The following PEAK1 variants were observed in gnomAD, a reference collection of about 807,000 sequenced individuals.
PEAK1 encodes the protein inactive tyrosine-protein kinase PEAK1.
A neutral mutation model predicts 124.7 loss-of-function variants in PEAK1; 54 were observed. That is an observed-to-expected ratio of 0.43 (90% confidence interval 0.35 to 0.54). The LOEUF is 0.54. PEAK1 is among the 20% of genes least tolerant of loss of function. The pLI is 0.01. For missense variants in PEAK1, 2,046 were observed against 2,134.5 expected (o/e 0.96, Z 0.82); for synonymous variants, 719 against 760.0 (o/e 0.95, Z 0.89).
At chr15:77,239,894 C>T (rs1385540293) in intron 6 of PEAK1, 1 of 957,746 alleles carries the variant, frequency 1.0e-6, no homozygotes, top group African/African-American at 1.8e-5. Flanking sequence ...TAAAATCTGT[C>T]AATAATAATG....
At chr15:77,205,025 A>G in intron 6 of PEAK1, 1 of 192,982 alleles carries the variant, frequency 5.2e-6, no homozygotes. Context: ...ATTTACGTGC[A>G]GAAAATGGAA....
intron 5 of PEAK1, among the ~76,000 whole-genome samples, chr15:77,263,128 C>G (rs2061529397): frequency 6.6e-6 from 1 of 152,128 alleles, no homozygotes; most frequent in Admixed American, 6.5e-5. Flanking sequence ...ATTTATAGCA[C>G]TAAATGCCCA....
At chr15:77,103,129 C>T (rs906841227) in exon 7 of PEAK1, 10 of 152,028 alleles carry the variant, frequency 6.6e-5, no homozygotes, top group Non-Finnish European at 1.5e-4. Context: ...TTAAGAAATA[C>T]TTTGTCCATG....
intron 9 of PEAK1, among the ~76,000 whole-genome samples, chr15:77,129,083 T>C (rs1157144920): frequency 6.6e-6 from 1 of 152,142 alleles, no homozygotes; most frequent in Admixed American, 6.5e-5. Context: ...CCTGATACAA[T>C]AGAACTGGTG....
intron 5 of PEAK1, among the ~76,000 whole-genome samples, chr15:77,281,711 T>A (rs2062684741): frequency 6.6e-6 from 1 of 152,160 alleles, no homozygotes; most frequent in African/African-American, 2.4e-5. Context: ...ATGAAAATCA[T>A]CCAAATTTCT....
chr15:77,386,234 C>T (rs964133766), intron 1 of PEAK1, among the ~76,000 whole-genome samples: 2 of 152,156 alleles, frequency 1.3e-5, no homozygotes, highest in African/African-American at 4.8e-5. Flanking sequence ...GATGTGGACC[C>T]ACGAAGTACG....
At position 77,403,141 on chromosome 15, in the gene PEAK1, A is replaced by T. The variant is rs2071517771; in HGVS notation, c.-666+16865T>A. The stretch of plus-strand genomic sequence containing the variant: ...TTTCTGGTTACTAGAACCATATTAC[A>T]GGATTTAAAATACTGCTACTTTGCC... On this transcript the variant is annotated intron_variant, in intron 1 of 9. Coordinates refer to ENST00000682557, the MANE Select transcript of PEAK1 (RefSeq NM_001385026.1). 1.1e-5 allele frequency: 11 copies of T among 985,220 alleles called. No individual in the cohort carries two copies. The South Asian group carries it at 4.7e-4, about 42-fold the overall frequency. The allele number at this position is 985,220 out of a possible 1,614,324, so 61.0% of individuals were successfully genotyped here.
Position 77,186,749 on chromosome 15 carries a change from A to G in PEAK1, c.-114-4709T>C, listed in dbSNP as rs145832964. On this transcript the variant is annotated intron_variant, in intron 6 of 9. Transcript: ENST00000682557. ...GAGGGCTTCATTTTAAACACTAATT[A>G]TATTTGGAGACAAAGAGGTGCACTT... 2.4e-3 allele frequency among the ~76,000 whole-genome samples: 367 copies of G among 152,324 alleles called. 3 individuals carry two copies. In the South Asian group the frequency reaches 0.025, roughly 11 times the overall value.
chr15:77,232,082 G>T (rs904006489), intron 6 of PEAK1, among the ~76,000 whole-genome samples: 9 of 152,282 alleles, frequency 5.9e-5, no homozygotes, highest in African/African-American at 1.9e-4. Flanking sequence ...AAAATGTAGA[G>T]GCTTACTCCA....
chr15:77,207,852 G>T (rs540117251), intron 6 of PEAK1, among the ~76,000 whole-genome samples: 1 of 152,230 alleles, frequency 6.6e-6, no homozygotes, highest in Non-Finnish European at 1.5e-5. Context: ...GTTGATAAAG[G>T]GGTTCTAACA....
At chr15:77,194,466 T>A (rs2058008858) in intron 6 of PEAK1, among the ~76,000 whole-genome samples, 1 of 152,182 alleles carries the variant, frequency 6.6e-6, no homozygotes, top group Non-Finnish European at 1.5e-5. Context: ...ATCTCCTCCA[T>A]GTCCACTCAT....
At chr15:77,356,151 A>G (rs1159181708) in intron 2 of PEAK1, among the ~76,000 whole-genome samples, 1 of 152,252 alleles carries the variant, frequency 6.6e-6, no homozygotes, top group African/African-American at 2.4e-5. Context: ...AAGGAACTTA[A>G]GGGGTAATAA....
At chr15:77,154,094 C>G (rs2054904788) in intron 8 of PEAK1, among the ~76,000 whole-genome samples, 1 of 152,228 alleles carries the variant, frequency 6.6e-6, no homozygotes, top group South Asian at 2.1e-4. Flanking sequence ...GTGTTAAAGT[C>G]TCCCATTATT....
chr15:77,390,353 TCAAATTAAG>T (rs1300443002), intron 1 of PEAK1, among the ~76,000 whole-genome samples: 2 of 152,192 alleles, frequency 1.3e-5, no homozygotes, highest in Non-Finnish European at 1.5e-5. Flanking sequence ...CATGACACTG[TCAAATTAAG>T]CATAGCCTGC....
Position 77,133,779 on chromosome 15 carries a change from A to C in PEAK1, c.3332-29T>G. The stretch of plus-strand genomic sequence containing the variant: ...TATTGTTTTTAAAGCAATAAAAAGA[A>C]AAGAGTAAGTAAAGTTTTCAATCTA... On this transcript the variant is annotated intron_variant, in intron 8 of 9. Transcript: ENST00000682557. The surrounding 1 kb of genome is among the most constrained non-coding windows in gnomAD (Gnocchi z 4.2). The C allele has an allele frequency of 6.6e-7, 1 of 1,517,728 alleles. No individual in the cohort carries two copies. Among genetic ancestry groups the C allele is most frequent in the South Asian group, 1.3e-5 (1 of 74,374 alleles). The allele number at this position is 1,517,728 out of a possible 1,614,324, so 94.0% of individuals were successfully genotyped here.
chr15:77,243,905 T>C (rs1596827818), intron 6 of PEAK1, among the ~76,000 whole-genome samples: 1 of 148,456 alleles, frequency 6.7e-6, no homozygotes, highest in African/African-American at 2.5e-5. Context: ...GAGGGGGAGG[T>C]TGCGGTGAGC....
rs1270965768 is a variant in PEAK1, at chr15:77,180,970, A to G, written c.957T>C (p.Gly319=). The change falls in exon 7 of 10, where the codon GGT becomes GGC. Residue 319 remains glycine, a synonymous_variant. Coordinates refer to ENST00000682557, the MANE Select transcript of PEAK1 (RefSeq NM_001385026.1). ...AAGAGACCACAGAATTTTCCTCATA[A>G]CCATTCAGGATTTCATCATAGCTGT... is the stretch of plus-strand genomic sequence containing the variant. ...YDDSYDEILN[G]YEENSVVSYG... 1 of 1,614,086 alleles carries G rather than the reference A, an allele frequency of 6.2e-7. No homozygotes were observed. Among genetic ancestry groups the G allele is most frequent in the Non-Finnish European group, 8.5e-7 (1 of 1,179,996 alleles).
chr15:77,362,260 T>A (rs950289237), intron 2 of PEAK1, among the ~76,000 whole-genome samples: 1 of 152,130 alleles, frequency 6.6e-6, no homozygotes, highest in African/African-American at 2.4e-5. Context: ...ATGATGGATA[T>A]GTTAATAACC....
chr15:77,170,307 A>T (rs955892079), intron 7 of PEAK1, among the ~76,000 whole-genome samples: 3 of 152,182 alleles, frequency 2.0e-5, no homozygotes, highest in Non-Finnish European at 4.4e-5. Context: ...ATGAAAAAAA[A>T]AGAGAGGACC....
Sources: gnomAD v4.1 joint callset for allele counts (sites outside exome capture counted in the v4.1 genomes callset) on GRCh38, gnomAD v4.1.1 for gene constraint, Gnocchi (gnomAD v3.1) non-coding constraint, MANE v1.5 for transcripts, NCBI Gene and HGNC (gene_info 2026-07-23, HGNC 2026-07-21) for gene names.